DIAPH3: variants seen among roughly 807,000 people sequenced by gnomAD.
DIAPH3 encodes the protein diaphanous related formin 3.
In DIAPH3, 117 loss-of-function variants were observed where a neutral mutation model predicts 144.3. The ratio of observed to expected loss-of-function variants is 0.81; its 90% confidence interval spans 0.70 to 0.95. DIAPH3 has a LOEUF of 0.95. Among genes scored for constraint, DIAPH3 ranks in the 40% least tolerant of loss-of-function variants. The probability of loss-of-function intolerance (pLI) is 0.00; values close to 1 mark genes in which losing one functional copy is unlikely to be tolerated. For missense variants in DIAPH3, 1,421 were observed against 1,412.7 expected (o/e 1.01, Z -0.09); for synonymous variants, 519 against 488.9 (o/e 1.06, Z -0.81).
chr13:59,992,611 C>A, intron 9 of DIAPH3, 28 bp from the exon 10 acceptor site: 1 of 1,560,060 alleles, frequency 6.4e-7, no homozygotes, highest in Non-Finnish European at 8.8e-7. Context: ...GTGAGACAGA[C>A]TGGGTTTCCA....
At chr13:59,863,665 A>C (rs1222115555) in intron 21 of DIAPH3, among the ~76,000 whole-genome samples, 2 of 152,188 alleles carry the variant, frequency 1.3e-5, no homozygotes, top group South Asian at 2.1e-4. Context: ...ATGCTGACCT[A>C]CACAACATGC....
At chr13:60,013,027 G>C in intron 7 of DIAPH3, 1 of 985,382 alleles carries the variant, frequency 1.0e-6, no homozygotes, top group Non-Finnish European at 1.2e-6. Context: ...TGTTGACTCT[G>C]TGTGAGAAGT....
At chr13:59,888,783 CTCTT>C (rs1161862951) in intron 20 of DIAPH3, among the ~76,000 whole-genome samples, 1 of 152,008 alleles carries the variant, frequency 6.6e-6, no homozygotes, top group African/African-American at 2.4e-5. Context: ...CTGTCACAAA[CTCTT>C]TCAGCTTTTA....
intron 22 of DIAPH3, among the ~76,000 whole-genome samples, chr13:59,852,245 G>T (rs1035098673): frequency 6.6e-6 from 1 of 152,082 alleles, no homozygotes; most frequent in East Asian, 1.9e-4. Flanking sequence ...GAGAAAGGAC[G>T]ATTACCCAAT....
intron 9 of DIAPH3, among the ~76,000 whole-genome samples, chr13:59,996,473 T>G (rs2052195638): frequency 6.6e-6 from 1 of 152,050 alleles, no homozygotes; most frequent in Non-Finnish European, 1.5e-5. Context: ...TAAACGTAAC[T>G]TCTAGCTGGA....
chr13:59,763,275 TATAC>T (rs1481939936), intron 27 of DIAPH3, among the ~76,000 whole-genome samples: 2 of 148,278 alleles, frequency 1.3e-5, no homozygotes, highest in East Asian at 2.0e-4. Flanking sequence ...TGTACACATA[TATAC>T]ATATATTCAC....
intron 12 of DIAPH3, among the ~76,000 whole-genome samples, chr13:59,987,293 T>A (rs1052942469): frequency 7.3e-6 from 1 of 137,074 alleles, no homozygotes; most frequent in Non-Finnish European, 1.5e-5. Context: ...CATGGACACA[T>A]GAAGGGGAAT....
intron 27 of DIAPH3, among the ~76,000 whole-genome samples, chr13:59,759,961 A>G (rs2037492913): frequency 6.6e-6 from 1 of 151,544 alleles, no homozygotes; most frequent in South Asian, 2.1e-4. Context: ...ACAAACAAAC[A>G]AACAAACAAA....
At chr13:59,980,965 T>C (rs1057205004) in intron 13 of DIAPH3, 106 bp from the exon 14 acceptor site, 3 of 858,406 alleles carry the variant, frequency 3.5e-6, no homozygotes, top group Non-Finnish European at 5.6e-6. Context: ...TAAATACTGA[T>C]ACTACCAGTA....
At chr13:60,097,891 A>G (rs1440719178) in intron 3 of DIAPH3, among the ~76,000 whole-genome samples, 2 of 152,202 alleles carry the variant, frequency 1.3e-5, no homozygotes, top group Non-Finnish European at 2.9e-5. Flanking sequence ...CTATTTATGG[A>G]AAACAAGGCT....
chr13:59,931,586 T>C (rs1265161772), intron 17 of DIAPH3, among the ~76,000 whole-genome samples: 2 of 152,180 alleles, frequency 1.3e-5, no homozygotes, highest in African/African-American at 2.4e-5. Flanking sequence ...ACTATATTCT[T>C]AGCACCAGGA....
chr13:59,978,495 G>C (rs138092133), intron 14 of DIAPH3, among the ~76,000 whole-genome samples: 4 of 151,250 alleles, frequency 2.6e-5, no homozygotes, highest in Non-Finnish European at 4.4e-5. Flanking sequence ...GAATTATTTC[G>C]GGACTTAAGA....
At chr13:60,148,465 T>A (rs1287075629) in intron 1 of DIAPH3, among the ~76,000 whole-genome samples, 2 of 152,216 alleles carry the variant, frequency 1.3e-5, no homozygotes, top group African/African-American at 4.8e-5. Context: ...ACTATCAAAT[T>A]GGACATGGCA....
rs71089524 is a variant in DIAPH3 at position 60,084,007 on chromosome 13, C to CAGATAGATAGAT, written c.495+9609_495+9620dup. Among the ~76,000 whole-genome samples the CAGATAGATAGAT allele has an allele frequency of 1.4e-3, 195 of 136,552 alleles. 1 individual carries two copies. The highest frequency in any genetic ancestry group is 2.9e-3 in the Admixed American group (39 of 13,372). The allele number at this position is 136,552 out of a possible 152,430, so 89.6% of individuals were successfully genotyped here. A position where few individuals can be genotyped will look rare whatever the true frequency, so the allele number is the denominator to read the frequency against. On this transcript the variant is annotated intron_variant, in intron 4 of 27. Coordinates refer to ENST00000400324, the MANE Select transcript of DIAPH3 (RefSeq NM_001042517.2). ...CACTTTTGAGTGATAGATAGATAGA[C>CAGATAGATAGAT]AGATAGATAGATAGATAGATAGATA... is the stretch of plus-strand genomic sequence containing the variant.
rs147078475 is a variant in DIAPH3, at chr13:60,004,061, A to G, written c.1014+4483T>C. 5.9e-3 allele frequency among the ~76,000 whole-genome samples: 900 copies of G among 152,366 alleles called. 2 individuals are homozygous for G. Among genetic ancestry groups the G allele is most frequent in the Middle Eastern group, 0.024 (7 of 294 alleles). ...AATTCTCCTTATTCTCCTTTAAAAAAAATACTTTGTCATAAATATACTTTG... is the reference window on the plus strand; with the variant it reads ...AATTCTCCTTATTCTCCTTTAAAAAGAATACTTTGTCATAAATATACTTTG... On this transcript the variant is annotated intron_variant, in intron 9 of 27. Coordinates refer to ENST00000400324, the MANE Select transcript of DIAPH3 (RefSeq NM_001042517.2).
intron 14 of DIAPH3, among the ~76,000 whole-genome samples, chr13:59,980,502 G>C (rs1377254523): frequency 6.6e-6 from 1 of 151,584 alleles, no homozygotes; most frequent in African/African-American, 2.4e-5. Flanking sequence ...AAAGTTTACT[G>C]TTAGGGTGAA....
At chr13:59,818,582 A>C (rs1463321747) in intron 24 of DIAPH3, among the ~76,000 whole-genome samples, 1 of 151,550 alleles carries the variant, frequency 6.6e-6, no homozygotes, top group Non-Finnish European at 1.5e-5. Flanking sequence ...TTCCTATTCT[A>C]TGGATTGCTG....
rs1229846991 is a variant in DIAPH3 at position 59,991,219 on chromosome 13, C to T, written c.1300G>A (p.Glu434Lys). ...TGAAGAATAGAAATAAAATATCCCTCTGCTCTAGTTTCTTTAACTGTGCTC... is the reference window on the plus strand; with the variant it reads ...TGAAGAATAGAAATAAAATATCCCTTTGCTCTAGTTTCTTTAACTGTGCTC... Reference protein sequence around the residue: ...VWSTVKETRAEGYFISILQHL... With the variant: ...VWSTVKETRAKGYFISILQHL... Residue 434 changes from glutamate to lysine, a missense_variant, in exon 12 of 28, where the codon GAG (glutamate) becomes AAG (lysine). Coordinates refer to ENST00000400324, the MANE Select transcript of DIAPH3 (RefSeq NM_001042517.2). 1 of 1,611,504 alleles carries T rather than the reference C, an allele frequency of 6.2e-7. No homozygotes were observed.
intron 27 of DIAPH3, among the ~76,000 whole-genome samples, chr13:59,746,206 T>C (rs1361839093): frequency 6.6e-6 from 1 of 152,090 alleles, no homozygotes; most frequent in African/African-American, 2.4e-5. Flanking sequence ...AAGAAAAATA[T>C]AAGCCAGCTG....
Sources: allele counts gnomAD v4.1 joint callset (sites outside exome capture counted in the v4.1 genomes callset), GRCh38; gene constraint gnomAD v4.1.1; transcripts MANE v1.5; gene names NCBI Gene and HGNC (gene_info 2026-07-23, HGNC 2026-07-21).